Variants in TMCO5A observed in about 807,000 individuals in gnomAD.
The protein encoded by TMCO5A is transmembrane and coiled-coil domains 5A.
Under a neutral mutation model 42.3 loss-of-function variants are expected in TMCO5A, and 34 were observed. The observed-to-expected ratio is 0.80, with a 90% CI of 0.61 to 1.07. The LOEUF is 1.07. Ranked by LOEUF, TMCO5A falls within the 50% of genes least tolerant of loss-of-function variation. TMCO5A has a pLI of 0.00. For missense variants in TMCO5A, 357 were observed against 327.9 expected (o/e 1.09, Z -0.69); for synonymous variants, 131 against 115.6 (o/e 1.13, Z -0.86).
intron 9 of TMCO5A, 118 bp from the exon 10 acceptor site, chr15:37,943,223 A>G (rs1344511152): frequency 1.3e-6 from 1 of 799,216 alleles, no homozygotes; most frequent in Non-Finnish European, 1.9e-6. Flanking sequence ...GGTAGACAGT[A>G]GTTACAATAT....
downstream of TMCO5A, among the ~76,000 whole-genome samples, chr15:37,953,822 A>G (rs924004653): frequency 6.6e-6 from 1 of 152,076 alleles, no homozygotes; most frequent in African/African-American, 2.4e-5. Flanking sequence ...AACACAGAGA[A>G]GAAACTCAGA....
chr15:37,994,259 T>G, the TMCO5A span, among the ~76,000 whole-genome samples: 1 of 151,900 alleles, frequency 6.6e-6, no homozygotes, highest in Non-Finnish European at 1.5e-5. Context: ...AGGCCTCCAT[T>G]AGCAGGCTTC....
chr15:37,989,834 C>T, the TMCO5A span, among the ~76,000 whole-genome samples: 1 of 151,998 alleles, frequency 6.6e-6, no homozygotes, highest in Non-Finnish European at 1.5e-5. Context: ...ACGGTCCTCA[C>T]ACAGCATAGG....
chr15:37,953,562 CT>C (rs2140799622), downstream of TMCO5A, among the ~76,000 whole-genome samples: 1 of 152,140 alleles, frequency 6.6e-6, no homozygotes, highest in Non-Finnish European at 1.5e-5. Flanking sequence ...CATCAAAGTC[CT>C]TTTGAATATC....
At chr15:38,012,433 C>T in the TMCO5A span, among the ~76,000 whole-genome samples, 5 of 152,064 alleles carry the variant, frequency 3.3e-5, no homozygotes, top group Admixed American at 1.3e-4. Context: ...AAGAGAAAAG[C>T]TCAGAGGGCT....
chr15:37,936,718 T>C lies in TMCO5A; in HGVS notation c.141-129T>C, dbSNP rs1243157891. 6 of 1,339,514 alleles carry C rather than the reference T, an allele frequency of 4.5e-6. No individual in the cohort carries two copies. In the Admixed American group the frequency reaches 1.4e-4, roughly 32 times the overall value. 83.0% of individuals were successfully genotyped at this position (1,339,514 alleles called of 1,614,324 possible). On this transcript the variant is annotated intron_variant, in intron 3 of 11. Transcript: ENST00000319669. Reference sequence around the variant, plus strand: ...AGGTCTTCCTGCTTTATGGATTCAGTAAGGAAGAGTTTTCAGCTTGAGATT... The same window carrying C: ...AGGTCTTCCTGCTTTATGGATTCAGCAAGGAAGAGTTTTCAGCTTGAGATT...
At chr15:38,001,072 A>T in the TMCO5A span, among the ~76,000 whole-genome samples, 1 of 152,170 alleles carries the variant, frequency 6.6e-6, no homozygotes, top group Admixed American at 6.5e-5. Context: ...AGTCTAGGAG[A>T]TATGTCCAAT....
At chr15:37,968,619 G>C (rs1890613293), downstream of TMCO5A, among the ~76,000 whole-genome samples, 1 of 136,720 alleles carries the variant, frequency 7.3e-6, no homozygotes, top group Admixed American at 7.8e-5. Context: ...ATCTCGCCCT[G>C]TTGCCCAGGC....
intron 10 of TMCO5A, 146 bp from the exon 11 acceptor site, chr15:37,947,510 C>T (rs1890006170): frequency 6.8e-6 from 4 of 588,436 alleles, no homozygotes; most frequent in East Asian, 3.3e-5. Context: ...AAAATTTTGG[C>T]CTGAAAATTA....
At chr15:37,983,086 G>A in the TMCO5A span, among the ~76,000 whole-genome samples, 3 of 151,884 alleles carry the variant, frequency 2.0e-5, no homozygotes, top group Admixed American at 6.6e-5. Context: ...GGAGCTATCC[G>A]TACAGTAAGC....
intron 2 of TMCO5A, chr15:37,936,097 GA>G (rs1261182531): frequency 4.8e-6 from 2 of 413,964 alleles, no homozygotes; most frequent in Non-Finnish European, 8.3e-6. Context: ...CACTTTGGAG[GA>G]GAAAGCCTGG....
the TMCO5A span, chr15:38,040,670 A>C: frequency 3.3e-5 from 5 of 152,338 alleles, no homozygotes; most frequent in East Asian, 9.6e-4. Flanking sequence ...CCTCAAGTAC[A>C]TTATGCTAAA....
At chr15:38,008,117 G>C in the TMCO5A span, among the ~76,000 whole-genome samples, 30 of 151,516 alleles carry the variant, frequency 2.0e-4, no homozygotes, top group Middle Eastern at 3.4e-3. Context: ...GGATGGTCTC[G>C]ATCTCCTGAC....
the TMCO5A span, among the ~76,000 whole-genome samples, chr15:37,987,379 G>T: frequency 6.6e-6 from 1 of 151,850 alleles, no homozygotes; most frequent in Admixed American, 6.6e-5. Context: ...GAGGCCAAAA[G>T]TTTTTAATTT....
chr15:37,955,255 T>TA (rs55989832), downstream of TMCO5A, among the ~76,000 whole-genome samples: 5,997 of 106,186 alleles, frequency 0.056, 473 homozygotes, highest in African/African-American at 0.19. Flanking sequence ...ATTTAAAGAG[T>TA]AAAAAAAAAA....
chr15:37,993,279 G>C, the TMCO5A span: 1 of 151,154 alleles, frequency 6.6e-6, no homozygotes, highest in Non-Finnish European at 1.5e-5. Context: ...TAATATGCTT[G>C]GTGATGTTTC....
the TMCO5A span, among the ~76,000 whole-genome samples, chr15:38,031,845 A>G: frequency 1.0e-3 from 157 of 152,294 alleles, no homozygotes; most frequent in African/African-American, 3.4e-3. Flanking sequence ...TAGCCCTGCC[A>G]TAGCCCACTG....
the TMCO5A span, among the ~76,000 whole-genome samples, chr15:38,036,672 A>T: frequency 1.3e-5 from 2 of 152,130 alleles, no homozygotes; most frequent in Non-Finnish European, 2.9e-5. Flanking sequence ...ATACCTAAAC[A>T]ATCTGATAAA....
the TMCO5A span, among the ~76,000 whole-genome samples, chr15:38,008,662 A>G: frequency 1.3e-5 from 2 of 152,210 alleles, no homozygotes; most frequent in African/African-American, 4.8e-5. Context: ...TTCATTCCAC[A>G]CAGTGCCAGG....
Sources: allele counts gnomAD v4.1 joint callset (sites outside exome capture counted in the v4.1 genomes callset), GRCh38; gene constraint gnomAD v4.1.1; transcripts MANE v1.5; gene names NCBI Gene and HGNC (gene_info 2026-07-23, HGNC 2026-07-21).